Variants in SRGAP2 observed in about 807,000 individuals in gnomAD.
The protein encoded by SRGAP2 is SLIT-ROBO Rho GTPase activating protein 2.
SRGAP2 carries 15 observed loss-of-function variants against 57.2 expected under a neutral mutation model. The observed-to-expected ratio is 0.26, with a 90% CI of 0.18 to 0.40. SRGAP2 has a LOEUF of 0.40. Among genes scored for constraint, SRGAP2 ranks in the 10% least tolerant of loss-of-function variants. The probability of loss-of-function intolerance (pLI) is 1.00; values close to 1 mark genes in which losing one functional copy is unlikely to be tolerated. For missense variants in SRGAP2, 520 were observed against 669.6 expected, an observed-to-expected ratio of 0.78 and a Z score of 2.47; for synonymous variants, 249 against 248.0, an observed-to-expected ratio of 1.00 and a Z score of -0.04.
intron 2 of SRGAP2, among the ~76,000 whole-genome samples, chr1:206,284,706 C>T (rs1670924035): frequency 6.6e-6 from 1 of 152,278 alleles, no homozygotes; most frequent in South Asian, 2.1e-4. Flanking sequence ...GCTTCGGCCT[C>T]CCAAAGTGCT....
intron 14 of SRGAP2, among the ~76,000 whole-genome samples, chr1:206,432,497 G>A (rs1192125803): frequency 6.6e-6 from 1 of 152,214 alleles, no homozygotes; most frequent in East Asian, 1.9e-4. Context: ...AGCATTGTTT[G>A]TAGTTGCAAA....
intron 3 of SRGAP2, among the ~76,000 whole-genome samples, chr1:206,322,579 CAAAAAA>C (rs781892410): frequency 3.2e-4 from 17 of 53,526 alleles, no homozygotes; most frequent in Non-Finnish European, 5.2e-4. Flanking sequence ...GACTCCATAT[CAAAAAA>C]AAAAAAAAAA....
chr1:206,421,147 C>T (rs185553017), intron 12 of SRGAP2, 103 bp from the exon 13 acceptor site: 2 of 594,894 alleles, frequency 3.4e-6, no homozygotes, highest in East Asian at 3.0e-5. Flanking sequence ...AAAAACTTTA[C>T]TTCTGGGTTT....
chr1:206,313,888 C>G (rs1396848600), intron 3 of SRGAP2, among the ~76,000 whole-genome samples: 1 of 151,446 alleles, frequency 6.6e-6, no homozygotes, highest in African/African-American at 2.4e-5. Flanking sequence ...ATGCCAGATA[C>G]CCACCCCTGT....
chr1:206,234,555 A>C (rs1553307793), intron 2 of SRGAP2, among the ~76,000 whole-genome samples: 2 of 152,224 alleles, frequency 1.3e-5, no homozygotes, highest in Admixed American at 1.3e-4. Flanking sequence ...GGAGCTTAGA[A>C]AACAGTGGGC....
In SRGAP2 at chr1:206,243,326, C is replaced by T. The variant is rs187106387; in HGVS notation, c.67+37289C>T. 2.8e-4 allele frequency among the ~76,000 whole-genome samples: 40 copies of T among 140,448 alleles called. 2 individuals are homozygous for T. The highest frequency in any genetic ancestry group is 9.9e-4 in the African/African-American group (36 of 36,190). 92.1% of individuals were successfully genotyped at this position (140,448 alleles called of 152,430 possible). A position where few individuals can be genotyped will look rare whatever the true frequency, so the allele number is the denominator to read the frequency against. On this transcript the variant is annotated intron_variant, in intron 2 of 22. Transcript: ENST00000573034. The stretch of plus-strand genomic sequence containing the variant: ...GGGAATAAAACCACTACTCTGTACC[C>T]GTTTATAAATATTTGCATTTACCTT...
Position 206,372,956 on chromosome 1 carries a change from T to C in SRGAP2, c.424-11058T>C, listed in dbSNP as rs1317901350. On this transcript the variant is annotated intron_variant, in intron 4 of 22. Transcript: ENST00000573034. ...CTTTCTTTCTTTCTTTCTTTCTTTCTTTTCTTTCCTTTCTTTCTTTCTTTC... is the reference window on the plus strand; with the variant it reads ...CTTTCTTTCTTTCTTTCTTTCTTTCCTTTCTTTCCTTTCTTTCTTTCTTTC... Among the ~76,000 whole-genome samples the C allele has an allele frequency of 2.1e-3, 19 of 9,216 alleles. 1 individual carries two copies. Among genetic ancestry groups the C allele is most frequent in the East Asian group, 5.7e-3 (1 of 176 alleles). The allele number at this position is 9,216 out of a possible 152,430, so 6.0% of individuals were successfully genotyped here.
intron 3 of SRGAP2, among the ~76,000 whole-genome samples, chr1:206,313,333 A>C (rs1168204292): frequency 7.4e-6 from 1 of 134,944 alleles, no homozygotes; most frequent in Non-Finnish European, 1.6e-5. Flanking sequence ...CAAGAATACA[A>C]ATCTTCAACA....
At chr1:206,210,345 G>A (rs71633575) in intron 2 of SRGAP2, among the ~76,000 whole-genome samples, 4,937 of 142,528 alleles carry the variant, frequency 0.035, 89 homozygotes, top group Non-Finnish European at 0.041. Flanking sequence ...TCTGAAACAG[G>A]GTGGCACTGT....
At chr1:206,440,703 C>T (rs1053519395) in intron 17 of SRGAP2, among the ~76,000 whole-genome samples, 8 of 152,084 alleles carry the variant, frequency 5.3e-5, no homozygotes, top group South Asian at 2.1e-4. Flanking sequence ...CATGCCACCA[C>T]GCCCAGCTAA....
In SRGAP2 at chr1:206,453,351, C is replaced by T. The variant is rs1553376888; in HGVS notation, c.2331C>T (p.Ile777=). ...GGCACAATGGCATCGACGGACTCAT[C>T]CCCCATCAGTACATCGTGGTCCAAG... The part of the protein sequence containing the change: ...EGRHNGIDGL[I]PHQYIVVQDT... The change falls in exon 20 of 23, where the codon ATC becomes ATT. Residue 777 remains isoleucine, a synonymous_variant. Transcript: ENST00000573034. The T allele has an allele frequency of 1.4e-6, 1 of 735,186 alleles. No individual in the cohort carries two copies. Among genetic ancestry groups the T allele is most frequent in the Non-Finnish European group, 2.5e-6 (1 of 393,682 alleles). 45.5% of individuals were successfully genotyped at this position (735,186 alleles called of 1,614,324 possible).
chr1:206,414,873 T>C (rs782566579), intron 10 of SRGAP2, among the ~76,000 whole-genome samples: 10 of 152,326 alleles, frequency 6.6e-5, no homozygotes, highest in Middle Eastern at 3.4e-3. Flanking sequence ...ACCTGCTATG[T>C]TGCTGCATGC....
chr1:206,260,580 C>T (rs1171352843), intron 2 of SRGAP2, among the ~76,000 whole-genome samples: 2 of 152,198 alleles, frequency 1.3e-5, no homozygotes, highest in Admixed American at 6.5e-5. Flanking sequence ...TGAAAGGTAA[C>T]TCATTATCTA....
chr1:206,213,669 C>G (rs1402933739), intron 2 of SRGAP2, among the ~76,000 whole-genome samples: 2 of 152,042 alleles, frequency 1.3e-5, no homozygotes, highest in Non-Finnish European at 2.9e-5. Flanking sequence ...TCTGTAATCC[C>G]AGCACTTTGA....
intron 4 of SRGAP2, among the ~76,000 whole-genome samples, chr1:206,354,382 G>A (rs1553338903): frequency 6.6e-6 from 1 of 152,132 alleles, no homozygotes. Flanking sequence ...AGAAAATACT[G>A]TATACTTAAG....
At chr1:206,428,084 A>G (rs1660959683) in intron 13 of SRGAP2, among the ~76,000 whole-genome samples, 1 of 151,530 alleles carries the variant, frequency 6.6e-6, no homozygotes, top group Admixed American at 6.6e-5. Flanking sequence ...CCTAGGCTAC[A>G]GAGGGAAACC....
At chr1:206,285,790 C>T (rs1483504625) in intron 2 of SRGAP2, among the ~76,000 whole-genome samples, 1 of 152,068 alleles carries the variant, frequency 6.6e-6, no homozygotes, top group African/African-American at 2.4e-5. Flanking sequence ...GGCTTGGCTT[C>T]CTGAGTAGCT....
intron 2 of SRGAP2, among the ~76,000 whole-genome samples, chr1:206,226,690 A>G (rs1667292094): frequency 6.6e-6 from 1 of 152,068 alleles, no homozygotes; most frequent in Admixed American, 6.5e-5. Context: ...CAACAGAAGA[A>G]AGTGGACCAT....
Position 206,415,927 on chromosome 1 carries a change from C to G in SRGAP2, c.1395C>G (p.Thr465=), listed in dbSNP as rs782268244. ...KEYLEGRNLI[T]KLQAKHDLLQ... ...ACCTGGAGGGCAGGAACCTCATCAC[C>G]AAGTTACAAGCCAAGCATGACCTTC... The change falls in exon 11 of 23, where the codon ACC becomes ACG. Residue 465 remains threonine, a synonymous_variant. Transcript: ENST00000573034. The G allele has an allele frequency of 6.4e-6, 5 of 780,566 alleles. No homozygotes were observed. The South Asian group carries it at 6.7e-5, about 10-fold the overall frequency. 48.4% of individuals were successfully genotyped at this position (780,566 alleles called of 1,614,324 possible). A position where few individuals can be genotyped will look rare whatever the true frequency, so the allele number is the denominator to read the frequency against.
Sources: gnomAD v4.1 joint callset for allele counts (sites outside exome capture counted in the v4.1 genomes callset) on GRCh38, gnomAD v4.1.1 for gene constraint, MANE v1.5 for transcripts, NCBI Gene and HGNC (gene_info 2026-07-23, HGNC 2026-07-21) for gene names.